SNAPC3: variants seen among roughly 807,000 people sequenced by gnomAD.
SNAPC3 encodes snRNA-activating protein complex subunit 3.
In SNAPC3, 56 loss-of-function variants were observed where a neutral mutation model predicts 47.7. That is an observed-to-expected ratio of 1.18 (90% CI 0.95 to 1.47). SNAPC3 has a LOEUF of 1.47. SNAPC3 is among the 40% of genes most tolerant of loss of function. SNAPC3 has a pLI of 0.00. For missense variants in SNAPC3, 665 were observed against 511.3 expected (o/e 1.30, Z -2.90); for synonymous variants, 235 against 189.9 (o/e 1.24, Z -1.95).
Position 15,423,062 on chromosome 9 carries a change from G to A in SNAPC3, c.183G>A (p.Leu61=), listed in dbSNP as rs2030766734. 1 of 1,517,964 alleles carries A rather than the reference G, an allele frequency of 6.6e-7. No homozygotes were observed. The highest frequency in any genetic ancestry group is 1.4e-5 in the African/African-American group (1 of 69,146). 94.0% of individuals were successfully genotyped at this position (1,517,964 alleles called of 1,614,324 possible). The change falls in exon 1 of 9, where the codon TTG becomes TTA. Residue 61 remains leucine (L), a synonymous_variant. Coordinates refer to ENST00000380821, the MANE Select transcript of SNAPC3 (RefSeq NM_001039697.2). ...WRGRLRGAGD[L]SLREPPASAL... ...GCCGTCTGCGCGGGGCCGGGGACTTGTCGCTGAGGGAGCCGCCGGCATCCG... is the reference window on the plus strand; with the variant it reads ...GCCGTCTGCGCGGGGCCGGGGACTTATCGCTGAGGGAGCCGCCGGCATCCG...
intron 2 of SNAPC3, among the ~76,000 whole-genome samples, chr9:15,428,783 A>T (rs2031778775): frequency 6.6e-6 from 1 of 152,150 alleles, no homozygotes; most frequent in Non-Finnish European, 1.5e-5. Flanking sequence ...CAATGAAGAA[A>T]GGCATAAAAA....
intron 3 of SNAPC3, among the ~76,000 whole-genome samples, chr9:15,441,840 A>G (rs1338285667): frequency 6.6e-6 from 1 of 152,170 alleles, no homozygotes; most frequent in Non-Finnish European, 1.5e-5. Context: ...TCTTTTCCCC[A>G]CATTTCCCCC....
rs182095674 is a variant in SNAPC3, at chr9:15,426,487, C to T, written c.392+2501C>T. Among the ~76,000 whole-genome samples the T allele has an allele frequency of 5.3e-5, 8 of 152,262 alleles. No homozygotes were observed. In the East Asian group the frequency reaches 1.5e-3, roughly 29 times the overall value. On this transcript the variant is annotated intron_variant, in intron 2 of 8. Coordinates refer to ENST00000380821, the MANE Select transcript of SNAPC3 (RefSeq NM_001039697.2). ...ATCTGCCACACTCACTGCTATATTA[C>T]CAATTCCTAGAACTGTGGTGCATAG...
intron 2 of SNAPC3, among the ~76,000 whole-genome samples, chr9:15,425,358 C>A (rs1285095088): frequency 2.0e-5 from 3 of 152,128 alleles, no homozygotes; most frequent in Non-Finnish European, 4.4e-5. Context: ...GCTGGGATTA[C>A]CGGTGCCTGC....
chr9:15,458,080 G>GTT lies in SNAPC3; in HGVS notation c.1088+14_1088+15insTT, dbSNP rs763234959. 4.9e-6 allele frequency: 6 copies of GTT among 1,222,362 alleles called. No homozygotes were observed. The highest frequency in any genetic ancestry group is 5.5e-6 in the Non-Finnish European group (5 of 917,386). The allele number at this position is 1,222,362 out of a possible 1,614,324, so 75.7% of individuals were successfully genotyped here. A position where few individuals can be genotyped will look rare whatever the true frequency, so the allele number is the denominator to read the frequency against. On this transcript the variant is annotated intron_variant, in intron 8 of 8. Coordinates refer to ENST00000380821, the MANE Select transcript of SNAPC3 (RefSeq NM_001039697.2). ...TGTATACAGCCAGGTGAGTGATAAT[G>GTT]TATTTTTTTTTTTCTCTGAGAAATG...
chr9:15,441,205 GTTA>G (rs978049400), intron 3 of SNAPC3, among the ~76,000 whole-genome samples: 14 of 149,452 alleles, frequency 9.4e-5, no homozygotes, highest in East Asian at 5.9e-4. Context: ...TTTATTTAAC[GTTA>G]TTATTATTTT....
intron 3 of SNAPC3, among the ~76,000 whole-genome samples, chr9:15,439,324 A>G (rs756133599): frequency 1.4e-4 from 21 of 152,102 alleles, no homozygotes; most frequent in Admixed American, 5.9e-4. Flanking sequence ...ATAATTGTAT[A>G]TATCTTCTTG....
chr9:15,463,808 C>T (rs949569960), downstream of SNAPC3: 1 of 152,182 alleles, frequency 6.6e-6, no homozygotes, highest in African/African-American at 2.4e-5. Context: ...GAATGATGCT[C>T]TATCTCTAGA....
intron 7 of SNAPC3, among the ~76,000 whole-genome samples, chr9:15,454,154 C>G (rs2034597709): frequency 1.3e-5 from 2 of 151,454 alleles, no homozygotes; most frequent in Non-Finnish European, 2.9e-5. Flanking sequence ...TGCTTGAGAC[C>G]AGGAGGTCAA....
rs1176958161 is a variant in SNAPC3, at chr9:15,423,956, T to C, written c.362T>C (p.Ile121Thr). 3 of 1,588,906 alleles carry C rather than the reference T, an allele frequency of 1.9e-6. No homozygotes were observed. The highest frequency in any genetic ancestry group is 4.6e-5 in the East Asian group (2 of 43,224). The change falls in exon 2 of 9, where the codon ATT (isoleucine) becomes ACT (threonine). Residue 121 changes from isoleucine to threonine, a missense_variant. Coordinates refer to ENST00000380821, the MANE Select transcript of SNAPC3 (RefSeq NM_001039697.2). ...CLEDGEDPEV[I>T]PENTDLVTLG... is the part of the protein sequence containing the mutation. ...GAGGACGGTGAGGATCCAGAAGTCA[T>C]TCCGGAGAATACTGACCTGGTGACT...
rs753310205 is a variant in SNAPC3 at position 15,455,703 on chromosome 9, C to CT, written c.981-2244dup. 3.1e-3 allele frequency among the ~76,000 whole-genome samples: 441 copies of CT among 143,996 alleles called. 2 individuals carry two copies. The highest frequency in any genetic ancestry group is 7.2e-3 in the South Asian group (33 of 4,566). The allele number at this position is 143,996 out of a possible 152,430, so 94.5% of individuals were successfully genotyped here. A position where few individuals can be genotyped will look rare whatever the true frequency, so the allele number is the denominator to read the frequency against. On this transcript the variant is annotated intron_variant, in intron 7 of 8. Transcript: ENST00000380821. ...ATGGCCTTATTTTTCATATATTTTT[C>CT]TTTTTTTTTTTTTGAGACGGAGTTT...
chr9:15,461,864 A>C (rs2035245922), downstream of SNAPC3: 1 of 152,228 alleles, frequency 6.6e-6, no homozygotes, highest in African/African-American at 2.4e-5. Context: ...AGTATAGAGA[A>C]CTTAAGAGGC....
chr9:15,443,486 G>T (rs114366487), intron 3 of SNAPC3, among the ~76,000 whole-genome samples: 84 of 152,082 alleles, frequency 5.5e-4, no homozygotes, highest in African/African-American at 2.0e-3. Context: ...ATTGTAGCAC[G>T]TGTATTACTT....
Position 15,447,176 on chromosome 9 carries a change from G to A in SNAPC3, c.664G>A (p.Val222Ile). The change falls in exon 5 of 9, where the codon GTC (valine) becomes ATC (isoleucine). Residue 222 changes from valine to isoleucine, a missense_variant. Coordinates refer to ENST00000380821, the MANE Select transcript of SNAPC3 (RefSeq NM_001039697.2). ...ACAACTGAGGGATTCAATTCGATGT[G>A]TCAGTGACCTCCAGATTGGTGGTGA... is the stretch of plus-strand genomic sequence containing the variant. Reference protein sequence around the residue: ...LTQLRDSIRCVSDLQIGGEFS... With the variant: ...LTQLRDSIRCISDLQIGGEFS... 1 of 1,613,932 alleles carries A rather than the reference G, an allele frequency of 6.2e-7. No homozygotes were observed. Among genetic ancestry groups the A allele is most frequent in the Non-Finnish European group, 8.5e-7 (1 of 1,179,806 alleles).
chr9:15,428,349 G>A (rs965077181), intron 2 of SNAPC3, among the ~76,000 whole-genome samples: 4 of 151,596 alleles, frequency 2.6e-5, no homozygotes, highest in Admixed American at 6.6e-5. Flanking sequence ...AACAGGTAAA[G>A]CCTGTTAAGT....
intron 3 of SNAPC3, among the ~76,000 whole-genome samples, chr9:15,438,349 G>A (rs541588650): frequency 6.6e-6 from 1 of 151,924 alleles, no homozygotes; most frequent in African/African-American, 2.4e-5. Flanking sequence ...TCTCATTTTA[G>A]TAATTTGAGC....
chr9:15,447,367 A>ACTG (rs2034023410), intron 5 of SNAPC3, 123 bp downstream of exon 5: 2 of 834,888 alleles, frequency 2.4e-6, no homozygotes, highest in African/African-American at 1.7e-5. Context: ...CCATCAAACT[A>ACTG]CACTATCTCA....
chr9:15,436,969 G>A (rs2032875061), intron 3 of SNAPC3, among the ~76,000 whole-genome samples: 1 of 151,354 alleles, frequency 6.6e-6, no homozygotes, highest in African/African-American at 2.4e-5. Flanking sequence ...GATTACAGGT[G>A]CATGCCACCA....
chr9:15,440,472 G>T (rs1450170177), intron 3 of SNAPC3, among the ~76,000 whole-genome samples: 1 of 150,916 alleles, frequency 6.6e-6, no homozygotes, highest in Admixed American at 6.6e-5. Context: ...TGGCTGACAG[G>T]TTTTGTTTTT....
Sources: gnomAD v4.1 joint callset for allele counts (sites outside exome capture counted in the v4.1 genomes callset) on GRCh38, gnomAD v4.1.1 for gene constraint, MANE v1.5 for transcripts, NCBI Gene and HGNC (gene_info 2026-07-23, HGNC 2026-07-21) for gene names.